DECR1: variants seen among roughly 807,000 people sequenced by gnomAD.
The protein encoded by DECR1 is 2,4-dienoyl-CoA reductase 1.
DECR1 carries 44 observed loss-of-function variants against 38.8 expected under a neutral mutation model. The observed-to-expected ratio is 1.13, with a 90% CI of 0.89 to 1.46. The LOEUF (loss-of-function observed/expected upper bound fraction) is 1.46, where lower values mean the gene tolerates loss of function less well. Ranked by LOEUF, DECR1 falls within the 40% of genes most tolerant of loss-of-function variation. The pLI, the probability that DECR1 is intolerant of heterozygous loss-of-function variation, is 0.00. For missense variants in DECR1, 428 were observed against 405.5 expected, an observed-to-expected ratio of 1.06 and a Z score of -0.48; for synonymous variants, 148 against 135.2, an observed-to-expected ratio of 1.09 and a Z score of -0.66.
intron 1 of DECR1, among the ~76,000 whole-genome samples, chr8:90,010,646 G>A (rs967035619): frequency 6.6e-6 from 1 of 152,186 alleles, no homozygotes; most frequent in Admixed American, 6.5e-5. Context: ...TTAGGGCCCA[G>A]TCTGCAAAAC....
chr8:90,051,860 C>A lies in DECR1; in HGVS notation c.971C>A (p.Thr324Asn). Residue 324 changes from threonine to asparagine, a missense_variant, in exon 10 of 10, where the codon ACC (threonine) becomes AAC (asparagine). Physicochemically the swap from Thr to Asn is moderately conservative, Grantham distance 65 (BLOSUM62 0). Transcript: ENST00000220764. The part of the protein sequence containing the change: ...LRKVTKEQWD[T>N]IEELIRKTKG... ...TAGGTCACCAAGGAGCAGTGGGACA[C>A]CATAGAAGAACTCATCAGGAAGACA... is the stretch of plus-strand genomic sequence containing the variant. 1.2e-6 allele frequency: 2 copies of A among 1,613,654 alleles called. No individual in the cohort carries two copies. Among genetic ancestry groups the A allele is most frequent in the Non-Finnish European group, 8.5e-7 (1 of 1,179,860 alleles).
chr8:90,023,951 A>C (rs1813232562), intron 5 of DECR1, among the ~76,000 whole-genome samples: 1 of 152,036 alleles, frequency 6.6e-6, no homozygotes, highest in South Asian at 2.1e-4. Context: ...CCCACCTATG[A>C]GTGAGAACAT....
In DECR1 at chr8:90,051,683, A is replaced by T; in HGVS notation, c.892A>T (p.Lys298Ter). ...YASWINGAVIKFDGGEEVLIS... is the reference protein window; with the variant it reads ...YASWINGAVI Reference sequence around the variant, plus strand: ...AAAAATTTGTTTTTTCCAGGTCATTAAATTTGACGGTGGAGAGGAAGTACT... The same window carrying T: ...AAAAATTTGTTTTTTCCAGGTCATTTAATTTGACGGTGGAGAGGAAGTACT... The change falls in exon 9 of 10, where the codon AAA becomes TAA. Residue 298 changes from lysine (K) to a stop codon, truncating the protein, a stop_gained. Coordinates refer to ENST00000220764, the MANE Select transcript of DECR1 (RefSeq NM_001359.2). LOFTEE classifies it high-confidence loss of function. 6.2e-7 allele frequency: 1 copy of T among 1,611,644 alleles called. No individual in the cohort carries two copies. Among genetic ancestry groups the T allele is most frequent in the Non-Finnish European group, 8.5e-7 (1 of 1,179,672 alleles).
chr8:90,012,593 G>T (rs1812913111), intron 1 of DECR1, among the ~76,000 whole-genome samples: 1 of 152,170 alleles, frequency 6.6e-6, no homozygotes, highest in South Asian at 2.1e-4. Context: ...CTACATGTCT[G>T]TATCCATGTG....
At chr8:90,036,990 G>A (rs767568995) in intron 6 of DECR1, 50 bp downstream of exon 6, 20 of 1,313,370 alleles carry the variant, frequency 1.5e-5, no homozygotes, top group Non-Finnish European at 3.3e-6. Context: ...AATACAGTTG[G>A]TGGCTCAGGG....
At chr8:90,035,089 T>G (rs977830221) in intron 5 of DECR1, among the ~76,000 whole-genome samples, 7 of 152,102 alleles carry the variant, frequency 4.6e-5, no homozygotes, top group Admixed American at 3.3e-4. Flanking sequence ...CAATGAAAAT[T>G]TTTGTCTGTG....
chr8:90,050,654 C>A (rs536384671), intron 8 of DECR1, among the ~76,000 whole-genome samples: 109 of 152,292 alleles, frequency 7.2e-4, no homozygotes, highest in African/African-American at 2.5e-3. Context: ...TACCATTTGA[C>A]CCAGCCATCC....
At chr8:90,008,452 A>C (rs1812797164) in intron 1 of DECR1, among the ~76,000 whole-genome samples, 1 of 152,212 alleles carries the variant, frequency 6.6e-6, no homozygotes, top group Non-Finnish European at 1.5e-5. Flanking sequence ...CTCACATTTA[A>C]ATCTTAATTT....
In DECR1 at chr8:90,053,079, C is replaced by G. The variant is rs1814134988; in HGVS notation, c.*1182C>G. Among the ~76,000 whole-genome samples the G allele has an allele frequency of 1.3e-5, 2 of 151,866 alleles. No homozygotes were observed. The highest frequency in any genetic ancestry group is 6.6e-5 in the Admixed American group (1 of 15,236). Reference sequence around the variant, plus strand: ...TCCAATTATACTGACTTTCACTGGGCTTTTTTTTAGGCTGTTGCACTTTTT... The same window carrying G: ...TCCAATTATACTGACTTTCACTGGGGTTTTTTTTAGGCTGTTGCACTTTTT... On this transcript the variant is annotated 3_prime_UTR_variant, in exon 10 of 10. Transcript: ENST00000220764.
chr8:90,001,757 C>T (rs917127644), intron 1 of DECR1, among the ~76,000 whole-genome samples, 196 bp downstream of exon 1: 4 of 149,236 alleles, frequency 2.7e-5, no homozygotes, highest in Admixed American at 2.7e-4. Context: ...CAGGGCGTCC[C>T]GGGGCCTCGG....
At chr8:90,013,396 T>G (rs1049079484) in intron 1 of DECR1, among the ~76,000 whole-genome samples, 3 of 146,780 alleles carry the variant, frequency 2.0e-5, no homozygotes, top group African/African-American at 7.8e-5. Context: ...TGCCTCTTCT[T>G]TCGTTTTTTT....
intron 8 of DECR1, among the ~76,000 whole-genome samples, 191 bp from the exon 9 acceptor site, chr8:90,051,486 G>C (rs1489375229): frequency 1.3e-5 from 2 of 152,138 alleles, no homozygotes; most frequent in Non-Finnish European, 1.5e-5. Flanking sequence ...TGAAATTGTG[G>C]AGATGTTAGA....
intron 6 of DECR1, among the ~76,000 whole-genome samples, chr8:90,040,678 G>A (rs551164035): frequency 1.2e-4 from 18 of 152,226 alleles, no homozygotes; most frequent in African/African-American, 3.9e-4. Flanking sequence ...CTGTGTCCAT[G>A]TGTTCTCATT....
chr8:90,051,333 G>A (rs1195788209), intron 8 of DECR1, among the ~76,000 whole-genome samples: 1 of 151,270 alleles, frequency 6.6e-6, no homozygotes, highest in Non-Finnish European at 1.5e-5. Flanking sequence ...AAAGGGAGAC[G>A]AGAGAGAGAG....
At chr8:90,009,789 C>A (rs1017582276) in intron 1 of DECR1, among the ~76,000 whole-genome samples, 4 of 152,074 alleles carry the variant, frequency 2.6e-5, no homozygotes, top group African/African-American at 9.7e-5. Context: ...GAGTGAAGAC[C>A]CTAGCTGAAA....
At chr8:90,018,882 GA>G in intron 2 of DECR1, 26 bp from the exon 3 acceptor site, 1 of 1,521,400 alleles carries the variant, frequency 6.6e-7, no homozygotes. Flanking sequence ...AATATAATAT[GA>G]AGTCATACAA....
chr8:90,053,153 A>C lies in DECR1; in HGVS notation c.*1256A>C, dbSNP rs1262183470. ...CTCTCAAAATAAAACGCAGACAGGT[A>C]CCTAGTCTCCATTTTACCTTTAGTA... On this transcript the variant is annotated 3_prime_UTR_variant, in exon 10 of 10. Transcript: ENST00000220764. Among the ~76,000 whole-genome samples, 1 of 152,134 alleles carries C rather than the reference A, an allele frequency of 6.6e-6. No homozygotes were observed. The highest frequency in any genetic ancestry group is 2.4e-5 in the African/African-American group (1 of 41,426).
At position 90,045,719 on chromosome 8, in the gene DECR1, C is replaced by T. The variant is rs576996549; in HGVS notation, c.885+724C>T. Among the ~76,000 whole-genome samples the T allele has an allele frequency of 8.4e-4, 128 of 152,320 alleles. 1 individual carries two copies. Among genetic ancestry groups the T allele is most frequent in the South Asian group, 7.0e-3 (34 of 4,832 alleles). On this transcript the variant is annotated intron_variant, in intron 8 of 9. Transcript: ENST00000220764. ...CAGCATGGAGTTGGAGATCTGAGAA[C>T]GGACAGACTGGCCCCTCAACTGGGC...
chr8:90,024,859 C>A (rs1586149492), intron 5 of DECR1, among the ~76,000 whole-genome samples: 1 of 152,190 alleles, frequency 6.6e-6, no homozygotes, highest in African/African-American at 2.4e-5. Flanking sequence ...TTAGGTCTGA[C>A]ATTTAAGTCT....
Sources: allele counts gnomAD v4.1 joint callset (sites outside exome capture counted in the v4.1 genomes callset), GRCh38; gene constraint gnomAD v4.1.1; transcripts MANE v1.5; gene names NCBI Gene and HGNC (gene_info 2026-07-23, HGNC 2026-07-21).